Variants in MAF1 observed in about 807,000 individuals in gnomAD.
MAF1 encodes repressor of RNA polymerase III transcription MAF1 homolog.
Under a neutral mutation model 31.9 loss-of-function variants are expected in MAF1, and 7 were observed. That is an observed-to-expected ratio of 0.22 (90% confidence interval 0.12 to 0.41). MAF1 has a LOEUF of 0.41. Among genes scored for constraint, MAF1 ranks in the 10% least tolerant of loss-of-function variants. The pLI is 1.00. For synonymous variants in MAF1, 157 were observed against 120.0 expected, an observed-to-expected ratio of 1.31 and a Z score of -2.02; for missense variants, 221 against 323.1, an observed-to-expected ratio of 0.68 and a Z score of 2.42.
At chr8:144,107,020 TG>T (rs1409341245) in intron 7 of MAF1, 57 bp downstream of exon 7, 1 of 1,556,974 alleles carries the variant, frequency 6.4e-7, no homozygotes, top group Non-Finnish European at 8.7e-7. Flanking sequence ...TACAACAGGG[TG>T]GGGGCCTCCT....
In MAF1 at chr8:144,106,256, G is replaced by C; in HGVS notation, c.378+15G>C. 2 of 1,613,580 alleles carry C rather than the reference G, an allele frequency of 1.2e-6. No homozygotes were observed. The highest frequency in any genetic ancestry group is 8.5e-7 in the Non-Finnish European group (1 of 1,179,934). On this transcript the variant is annotated intron_variant, in intron 4 of 7. Coordinates refer to ENST00000322428, the MANE Select transcript of MAF1 (RefSeq NM_032272.5). ...GCCTTAGCTGGGTGAGGGTCAGGTG[G>C]AGGGAAGGGACCCACAGCCACCCCA...
chr8:144,106,775 C>T (rs1836422785), intron 6 of MAF1, 60 bp from the exon 7 acceptor site: 4 of 1,561,580 alleles, frequency 2.6e-6, no homozygotes, highest in Non-Finnish European at 2.6e-6. Context: ...AACATCCTCC[C>T]TGGGGCCAGC....
chr8:144,105,409 C>G (rs781737565), intron 1 of MAF1: 3 of 496,746 alleles, frequency 6.0e-6, no homozygotes, highest in Non-Finnish European at 1.1e-5. Context: ...CCAGAACTCG[C>G]GTGTTCTGCA....
At position 144,104,692 on chromosome 8, in the gene MAF1, T is replaced by C. The variant is rs1338563490; in HGVS notation, c.-211T>C. 6.6e-6 allele frequency: 1 copy of C among 152,042 alleles called. No homozygotes were observed. The allele number at this position is 152,042 out of a possible 1,614,324, so 9.4% of individuals were successfully genotyped here. ...AACGGGACGTCGCCGCGGAGCTTCT[T>C]CCCCCGGATACAGTGCGGCCCGAGC... On this transcript the variant is annotated 5_prime_UTR_variant, in exon 1 of 8. Transcript: ENST00000322428.
chr8:144,105,930 C>T lies in MAF1; in HGVS notation c.145C>T (p.Gln49Ter). The T allele has an allele frequency of 1.2e-6, 2 of 1,613,132 alleles. No homozygotes were observed. The highest frequency in any genetic ancestry group is 1.3e-5 in the African/African-American group (1 of 75,056). ...DDKHMFKQFC[Q>*]EGQPHVLEAL... ...CAAACACATGTTCAAGCAGTTCTGC[C>T]AGGAGGGCCAGCCCCACGTGCTGGA... The change falls in exon 3 of 8, where the codon CAG becomes TAG. Residue 49 changes from glutamine (Q) to a stop codon, truncating the protein, a stop_gained. Transcript: ENST00000322428. LOFTEE classifies it high-confidence loss of function.
chr8:144,105,048 C>T (rs1277474824), intron 1 of MAF1, 190 bp downstream of exon 1: 1 of 152,354 alleles, frequency 6.6e-6, no homozygotes, highest in East Asian at 1.9e-4. Context: ...CCCTCCTAGG[C>T]GTCTGGAGAA....
chr8:144,107,049 T>C (rs1213391071), intron 7 of MAF1, 39 bp from the exon 8 acceptor site: 2 of 1,569,218 alleles, frequency 1.3e-6, no homozygotes, highest in Non-Finnish European at 1.7e-6. Context: ...GTCTAAGTGG[T>C]GGCTCCTGAA....
chr8:144,105,193 G>C (rs1836388047), intron 1 of MAF1: 2 of 158,038 alleles, frequency 1.3e-5, no homozygotes, highest in Admixed American at 1.2e-4. Context: ...GTTCCTAACC[G>C]GGATGCAGCC....
Position 144,107,155 on chromosome 8 carries a change from C to T in MAF1, c.*46C>T, listed in dbSNP as rs1392346775. The T allele has an allele frequency of 6.4e-7, 1 of 1,551,540 alleles. No homozygotes were observed. The highest frequency in any genetic ancestry group is 8.7e-7 in the Non-Finnish European group (1 of 1,147,430). ...AGCTTCATCCAGCTTCAACCAATGC[C>T]TGGACCTGTCCACCTGAGAGGCCCC... On this transcript the variant is annotated 3_prime_UTR_variant, in exon 8 of 8. Coordinates refer to ENST00000322428, the MANE Select transcript of MAF1 (RefSeq NM_032272.5).
rs368359275 is a variant in MAF1 at position 144,104,489 on chromosome 8, G to A, written c.-414G>A. 6.6e-6 allele frequency: 1 copy of A among 152,196 alleles called. No homozygotes were observed. Among genetic ancestry groups the A allele is most frequent in the African/African-American group, 2.4e-5 (1 of 41,460 alleles). 9.4% of individuals were successfully genotyped at this position (152,196 alleles called of 1,614,324 possible). On this transcript the variant is annotated 5_prime_UTR_variant, in exon 1 of 8. Transcript: ENST00000322428. ...CAGAGGCGCGGGGCCGGGCCCGGCG[G>A]ACGCTTGTTGTTGTCCGGCCGGGGG...
rs763703723 is a variant in MAF1 at position 144,106,137 on chromosome 8, A to T, written c.274A>T (p.Thr92Ser). ...GPLSDKCSRK[T>S]LFYLIATLNE... ...CCTCAGTGACAAGTGCAGCCGCAAG[A>T]CCCTCTTCTACCTGATTGCCACGCT... is the stretch of plus-strand genomic sequence containing the variant. Residue 92 changes from threonine to serine, a missense_variant, in exon 4 of 8, where the codon ACC (threonine) becomes TCC (serine). Thr to Ser is a moderately conservative substitution (Grantham distance 58, BLOSUM62 1). This residue lies in a region of MAF1 where 146 missense variants were observed against 263.1 expected (regional missense o/e 0.56). Coordinates refer to ENST00000322428, the MANE Select transcript of MAF1 (RefSeq NM_032272.5). 1 of 1,613,400 alleles carries T rather than the reference A, an allele frequency of 6.2e-7. No individual in the cohort carries two copies. Among genetic ancestry groups the T allele is most frequent in the Non-Finnish European group, 8.5e-7 (1 of 1,179,934 alleles).
Position 144,106,900 on chromosome 8 carries a change from T to A in MAF1, c.686T>A (p.Val229Glu), listed in dbSNP as rs151135525. The change falls in exon 7 of 8, where the codon GTG becomes GAG. Residue 229 changes from valine to glutamate, a missense_variant. By Grantham distance (121) the Val-to-Glu change is moderately radical. Coordinates refer to ENST00000322428, the MANE Select transcript of MAF1 (RefSeq NM_032272.5). ...ELDMELGEEE[V>E]EEESRSGGSG... is the part of the protein sequence containing the mutation. ...GACATGGAGCTGGGGGAGGAGGAGGTGGAGGAAGAAAGCAGAAGCGGGGGC... is the reference window on the plus strand; with the variant it reads ...GACATGGAGCTGGGGGAGGAGGAGGAGGAGGAAGAAAGCAGAAGCGGGGGC... 453 of 1,526,112 alleles carry A rather than the reference T, an allele frequency of 3.0e-4. No homozygotes were observed. The highest frequency in any genetic ancestry group is 3.8e-4 in the Non-Finnish European group (438 of 1,139,680). The allele number at this position is 1,526,112 out of a possible 1,614,324, so 94.5% of individuals were successfully genotyped here. A position where few individuals can be genotyped will look rare whatever the true frequency, so the allele number is the denominator to read the frequency against.
chr8:144,105,345 A>C, intron 1 of MAF1: 1 of 303,342 alleles, frequency 3.3e-6, no homozygotes, highest in Non-Finnish European at 6.3e-6. Context: ...GTTGAGCAAC[A>C]ATCTCAGCCA....
chr8:144,107,397 C>G lies in MAF1; in HGVS notation c.*288C>G. 1 of 589,792 alleles carries G rather than the reference C, an allele frequency of 1.7e-6. No individual in the cohort carries two copies. Among genetic ancestry groups the G allele is most frequent in the Non-Finnish European group, 3.0e-6 (1 of 329,844 alleles). The allele number at this position is 589,792 out of a possible 1,614,324, so 36.5% of individuals were successfully genotyped here. ...ACTGCCACAGCAGGGACAGCTGGAC[C>G]GCAGAGTTTATTTTTGTATTTCTAC... is the stretch of plus-strand genomic sequence containing the variant. On this transcript the variant is annotated 3_prime_UTR_variant, in exon 8 of 8. Coordinates refer to ENST00000322428, the MANE Select transcript of MAF1 (RefSeq NM_032272.5).
At chr8:144,105,117 G>A (rs772365786) in intron 1 of MAF1, 2 of 154,016 alleles carry the variant, frequency 1.3e-5, no homozygotes, top group Non-Finnish European at 2.9e-5. Context: ...CCCCGGGCCA[G>A]AAAGTAGCCA....
At chr8:144,106,514 C>T in intron 5 of MAF1, 41 bp from the exon 6 acceptor site, 3 of 1,613,908 alleles carry the variant, frequency 1.9e-6, no homozygotes, top group Non-Finnish European at 2.5e-6. Flanking sequence ...GTTTGTGGGG[C>T]ACTTGGCGCC....
chr8:144,106,506 T>G, intron 5 of MAF1, 42 bp downstream of exon 5: 1 of 1,613,920 alleles, frequency 6.2e-7, no homozygotes, highest in Non-Finnish European at 8.5e-7. Context: ...GCCTCCAGGT[T>G]TGTGGGGCAC....
Position 144,105,593 on chromosome 8 carries a change from C to T in MAF1, c.-44-47C>T. 4.1e-6 allele frequency: 5 copies of T among 1,210,480 alleles called. No individual in the cohort carries two copies. In the South Asian group the frequency reaches 5.0e-5, roughly 12 times the overall value. The allele number at this position is 1,210,480 out of a possible 1,614,324, so 75.0% of individuals were successfully genotyped here. The stretch of plus-strand genomic sequence containing the variant: ...TGGGTAGGAGGGCTGAAGGCAGGGC[C>T]CCAAGGGGCCAGATAGATACCCATG... On this transcript the variant is annotated intron_variant, in intron 1 of 7. Transcript: ENST00000322428.
At position 144,106,838 on chromosome 8, in the gene MAF1, C is replaced by T; in HGVS notation, c.624C>T (p.Gly208=). Residue 208 remains glycine (G), a synonymous_variant, in exon 7 of 8, where the codon GGC becomes GGT. Transcript: ENST00000322428. Reference sequence around the variant, plus strand: ...TGGTTTCCCTGCCTCCCCTCAGTGGCTCCACCTACACACCCTCAGAGGCAG... The same window carrying T: ...TGGTTTCCCTGCCTCCCCTCAGTGGTTCCACCTACACACCCTCAGAGGCAG... ...IVFFSCRSIS[G]STYTPSEAGN... 1.3e-6 allele frequency: 2 copies of T among 1,535,120 alleles called. No homozygotes were observed. The highest frequency in any genetic ancestry group is 1.8e-6 in the Non-Finnish European group (2 of 1,142,602).
Sources: allele counts gnomAD v4.1 joint callset, GRCh38; gene constraint gnomAD v4.1.1; regional missense constraint gnomAD v4.1.1; transcripts MANE v1.5; gene names NCBI Gene and HGNC (gene_info 2026-07-23, HGNC 2026-07-21).